The following UBN2 variants were observed in gnomAD, a reference collection of about 807,000 sequenced individuals.
UBN2 encodes ubinuclein-2.
In UBN2, 35 loss-of-function variants were observed where a neutral mutation model predicts 120.2. The ratio of observed to expected loss-of-function variants is 0.29; its 90% CI spans 0.22 to 0.39. The LOEUF (loss-of-function observed/expected upper bound fraction) is 0.39, where lower values mean the gene tolerates loss of function less well. Among genes scored for constraint, UBN2 ranks in the 10% least tolerant of loss-of-function variants. The pLI, the probability that UBN2 is intolerant of heterozygous loss-of-function variation, is 1.00. For missense variants in UBN2, 1,693 were observed against 1,663.2 expected, an observed-to-expected ratio of 1.02 and a Z score of -0.31; for synonymous variants, 661 against 648.7, an observed-to-expected ratio of 1.02 and a Z score of -0.29.
chr7:139,259,399 C>T (rs775701271), intron 5 of UBN2, 29 bp downstream of exon 5: 57 of 1,610,020 alleles, frequency 3.5e-5, no homozygotes, highest in Non-Finnish European at 1.4e-5. Flanking sequence ...AAGAAGGGAA[C>T]TGGCGTCACA....
chr7:139,285,189 T>C (rs765882390), intron 15 of UBN2, among the ~76,000 whole-genome samples: 2 of 152,192 alleles, frequency 1.3e-5, no homozygotes, highest in African/African-American at 2.4e-5. Context: ...CTCAATTAGC[T>C]GAGTGCCTCA....
chr7:139,276,593 G>A (rs933823605), intron 12 of UBN2: 4 of 162,726 alleles, frequency 2.5e-5, no homozygotes, highest in African/African-American at 4.8e-5. Context: ...GTTCAAAACC[G>A]TGTATTTCCT....
intron 2 of UBN2, among the ~76,000 whole-genome samples, chr7:139,246,655 C>A (rs1192430410): frequency 6.6e-6 from 1 of 152,188 alleles, no homozygotes; most frequent in Non-Finnish European, 1.5e-5. Context: ...CTACTACAAT[C>A]ATGATACGGA....
chr7:139,308,207 T>C lies in UBN2; in HGVS notation c.*10371T>C, dbSNP rs973098949. 5 of 152,028 alleles carry C rather than the reference T, an allele frequency of 3.3e-5. No individual in the cohort carries two copies. Among genetic ancestry groups the C allele is most frequent in the African/African-American group, 9.7e-5 (4 of 41,378 alleles). 9.4% of individuals were successfully genotyped at this position (152,028 alleles called of 1,614,324 possible). Reference sequence around the variant, plus strand: ...TTTGTATATGTTACGTGTTTGTTGTTGTATTAAATAAAGAGGAATGTACAT... The same window carrying C: ...TTTGTATATGTTACGTGTTTGTTGTCGTATTAAATAAAGAGGAATGTACAT... On this transcript the variant is annotated 3_prime_UTR_variant, in exon 18 of 18. Transcript: ENST00000473989.
intron 3 of UBN2, among the ~76,000 whole-genome samples, chr7:139,253,389 C>T (rs917460405): frequency 6.6e-6 from 1 of 152,174 alleles, no homozygotes; most frequent in Non-Finnish European, 1.5e-5. Flanking sequence ...TTATTTGCAT[C>T]GTGATTTTTA....
chr7:139,272,437 C>G lies in UBN2; in HGVS notation c.1712C>G (p.Ala571Gly), dbSNP rs753723627. Residue 571 changes from alanine to glycine, a missense_variant, in exon 9 of 18, where the codon GCC becomes GGC. Transcript: ENST00000473989. Reference sequence around the variant, plus strand: ...CAGGCTCGTAGTCAAGCTAAGTGTGCCAAGTATGTATCTCTTCTATTTGGA... The same window carrying G: ...CAGGCTCGTAGTCAAGCTAAGTGTGGCAAGTATGTATCTCTTCTATTTGGA... ...DCQARSQAKC[A>G]KLQTDEEREK... is the part of the protein sequence containing the mutation. 3 of 1,609,808 alleles carry G rather than the reference C, an allele frequency of 1.9e-6. No homozygotes were observed. In the Admixed American group the frequency reaches 5.1e-5, roughly 27 times the overall value.
At chr7:139,289,860 A>C (rs956835954) in intron 15 of UBN2, among the ~76,000 whole-genome samples, 1 of 151,960 alleles carries the variant, frequency 6.6e-6, no homozygotes, top group Non-Finnish European at 1.5e-5. Flanking sequence ...CCAAGACTGC[A>C]GTAGAATTAT....
At chr7:139,255,106 A>C (rs1796722765) in intron 3 of UBN2, among the ~76,000 whole-genome samples, 1 of 152,300 alleles carries the variant, frequency 6.6e-6, no homozygotes, top group South Asian at 2.1e-4. Flanking sequence ...CTGCCTATTC[A>C]TTCCTCCTTC....
At chr7:139,274,649 C>T (rs1285945955) in intron 11 of UBN2, among the ~76,000 whole-genome samples, 1 of 151,744 alleles carries the variant, frequency 6.6e-6, no homozygotes, top group Admixed American at 6.6e-5. Flanking sequence ...GTTATCCCAG[C>T]TACTAGGGAG....
chr7:139,298,432 G>A lies in UBN2; in HGVS notation c.*596G>A, dbSNP rs1463448472. The A allele has an allele frequency of 6.6e-6, 1 of 152,132 alleles. No individual in the cohort carries two copies. Among genetic ancestry groups the A allele is most frequent in the Non-Finnish European group, 1.5e-5 (1 of 68,078 alleles). 9.4% of individuals were successfully genotyped at this position (152,132 alleles called of 1,614,324 possible). On this transcript the variant is annotated 3_prime_UTR_variant, in exon 18 of 18. Transcript: ENST00000473989. ...AGTGTGTAGCAACTTCCCTCAATCA[G>A]TGGACTAAAGATCCTTCAGGAAAGT...
In UBN2 at chr7:139,272,352, CTG is replaced by C; in HGVS notation, c.1628_1629del (p.Leu543GlnfsTer5). ...TCGTTTAAGAGAACCTCTGCAAAAACTGAAACTGGCTGTTAGCAATGTCATGC... is the reference window on the plus strand; with the variant it reads ...TCGTTTAAGAGAACCTCTGCAAAAACAAACTGGCTGTTAGCAATGTCATGC... ...DDRLREPLQK[L>X]KLAVSNVMPE... On this transcript the variant is annotated frameshift_variant, in exon 9 of 18. Coordinates refer to ENST00000473989, the MANE Select transcript of UBN2 (RefSeq NM_173569.4). LOFTEE classifies it high-confidence loss of function. 6.2e-7 allele frequency: 1 copy of C among 1,613,186 alleles called. No homozygotes were observed. Among genetic ancestry groups the C allele is most frequent in the Non-Finnish European group, 8.5e-7 (1 of 1,179,770 alleles).
chr7:139,239,772 G>C (rs151125663), intron 2 of UBN2, among the ~76,000 whole-genome samples: 1 of 152,026 alleles, frequency 6.6e-6, no homozygotes, highest in East Asian at 1.9e-4. Context: ...GGTCAGGCTG[G>C]TCTCGAACTC....
At chr7:139,243,652 G>T (rs945014884) in intron 2 of UBN2, among the ~76,000 whole-genome samples, 6 of 152,194 alleles carry the variant, frequency 3.9e-5, no homozygotes, top group African/African-American at 1.4e-4. Flanking sequence ...TAGATATGGG[G>T]TGGTAAGGCA....
chr7:139,265,504 C>A (rs1797071054), intron 6 of UBN2, among the ~76,000 whole-genome samples: 1 of 152,030 alleles, frequency 6.6e-6, no homozygotes, highest in Non-Finnish European at 1.5e-5. Context: ...CTGTATTAAG[C>A]CTTACAAAAG....
the UBN2 span, among the ~76,000 whole-genome samples, chr7:139,322,557 A>G: frequency 6.6e-5 from 10 of 151,550 alleles, no homozygotes; most frequent in East Asian, 1.7e-3. Flanking sequence ...GGGCAATCTA[A>G]GCCAGCAATG....
In UBN2 at chr7:139,308,080, G is replaced by A. The variant is rs768160355; in HGVS notation, c.*10244G>A. The stretch of plus-strand genomic sequence containing the variant: ...CAGCCTTGCTCATATTCCAGGTGTA[G>A]CTAGCAAACCCCTGTTTTTGAAGCA... On this transcript the variant is annotated 3_prime_UTR_variant, in exon 18 of 18. Coordinates refer to ENST00000473989, the MANE Select transcript of UBN2 (RefSeq NM_173569.4). 2 of 150,336 alleles carry A rather than the reference G, an allele frequency of 1.3e-5. No individual in the cohort carries two copies. Among genetic ancestry groups the A allele is most frequent in the Non-Finnish European group, 3.0e-5 (2 of 67,750 alleles). 9.3% of individuals were successfully genotyped at this position (150,336 alleles called of 1,614,324 possible).
At chr7:139,277,390 A>C (rs1271065090) in intron 12 of UBN2, 2 of 152,250 alleles carry the variant, frequency 1.3e-5, no homozygotes, top group African/African-American at 4.8e-5. Flanking sequence ...CCTTACTGAT[A>C]ACATAAATAG....
intron 7 of UBN2, among the ~76,000 whole-genome samples, chr7:139,268,090 T>C (rs575506271): frequency 3.3e-5 from 5 of 152,330 alleles, no homozygotes; most frequent in African/African-American, 1.2e-4. Flanking sequence ...AACAACTGTT[T>C]CTCTCCGGGG....
Position 139,279,336 on chromosome 7 carries a change from T to A in UBN2, c.2043T>A (p.Ile681=), listed in dbSNP as rs763306740. The change falls in exon 13 of 18, where the codon ATT becomes ATA. Residue 681 remains isoleucine (I), a synonymous_variant. Coordinates refer to ENST00000473989, the MANE Select transcript of UBN2 (RefSeq NM_173569.4). ...ATCTTAGGGCAAAGAAAAAGGTGAT[T>A]CCTGCACCTAAACCCAAAGTAAAGG... The part of the protein sequence containing the change: ...LTSAPAKKKV[I]PAPKPKVKEV... The A allele has an allele frequency of 1.2e-6, 2 of 1,609,020 alleles. No homozygotes were observed. Among genetic ancestry groups the A allele is most frequent in the Admixed American group, 3.4e-5 (2 of 58,762 alleles).
Sources: gnomAD v4.1 joint callset for allele counts (sites outside exome capture counted in the v4.1 genomes callset) on GRCh38, gnomAD v4.1.1 for gene constraint, MANE v1.5 for transcripts, NCBI Gene and HGNC (gene_info 2026-07-23, HGNC 2026-07-21) for gene names.